The following SMIM10L3 variants were observed in gnomAD, a reference collection of about 807,000 sequenced individuals.
SMIM10L3 encodes the protein salivary gland specific protein SAGSIN1.
chr7:6,330,580 A>G, the SMIM10L3 span: 14 of 1,614,066 alleles, frequency 8.7e-6, no homozygotes, highest in Non-Finnish European at 1.2e-5. Flanking sequence ...CGTTGCAGAC[A>G]GGATGGAGTG....
the SMIM10L3 span, chr7:6,341,784 G>C: frequency 6.6e-6 from 1 of 151,872 alleles, no homozygotes; most frequent in Non-Finnish European, 1.5e-5. Context: ...GATCACCTGA[G>C]GTCAGGGGTT....
chr7:6,332,130 A>AT, the SMIM10L3 span, among the ~76,000 whole-genome samples: 2 of 146,438 alleles, frequency 1.4e-5, no homozygotes, highest in African/African-American at 2.6e-5. Context: ...AAAAAAAAAA[A>AT]TTGCGAAAAG....
At chr7:6,341,143 CA>C in the SMIM10L3 span, among the ~76,000 whole-genome samples, 39 of 141,908 alleles carry the variant, frequency 2.7e-4, no homozygotes, top group Non-Finnish European at 2.3e-4. Context: ...GACTCTGTCC[CA>C]AAAAAAAAAA....
chr7:6,345,329 G>A, the SMIM10L3 span, among the ~76,000 whole-genome samples: 15 of 151,822 alleles, frequency 9.9e-5, no homozygotes, highest in African/African-American at 3.6e-4. Context: ...TGCCCAGGCT[G>A]GTCTGGAACT....
the SMIM10L3 span, chr7:6,348,881 C>A: frequency 1.8e-5 from 7 of 388,362 alleles, no homozygotes; most frequent in African/African-American, 1.2e-4. Flanking sequence ...GGCGGGCGGG[C>A]GGGCCGCAGT....
chr7:6,338,126 T>C, the SMIM10L3 span, among the ~76,000 whole-genome samples: 1 of 152,146 alleles, frequency 6.6e-6, no homozygotes, highest in Non-Finnish European at 1.5e-5. Context: ...CAACAGGTTA[T>C]CAAAAACATT....
the SMIM10L3 span, among the ~76,000 whole-genome samples, chr7:6,333,606 C>T: frequency 6.6e-6 from 1 of 151,466 alleles, no homozygotes; most frequent in African/African-American, 2.4e-5. Flanking sequence ...TCAAGCAATC[C>T]TCCTAATTCA....
the SMIM10L3 span, among the ~76,000 whole-genome samples, chr7:6,337,684 G>C: frequency 6.6e-6 from 1 of 151,178 alleles, no homozygotes; most frequent in Non-Finnish European, 1.5e-5. Context: ...CATTTAATAA[G>C]GTAAACATGT....
the SMIM10L3 span, among the ~76,000 whole-genome samples, chr7:6,347,010 GACA>G: frequency 6.6e-6 from 1 of 152,122 alleles, no homozygotes; most frequent in Admixed American, 6.5e-5. Flanking sequence ...TTCTCGAGTT[GACA>G]ACCTTTCCTT....
chr7:6,334,062 G>A, the SMIM10L3 span, among the ~76,000 whole-genome samples: 3 of 151,010 alleles, frequency 2.0e-5, no homozygotes, highest in South Asian at 6.3e-4. Flanking sequence ...TAGCCAGGAT[G>A]GAATCTATCT....
At chr7:6,335,916 T>C in the SMIM10L3 span, among the ~76,000 whole-genome samples, 20 of 152,038 alleles carry the variant, frequency 1.3e-4, no homozygotes, top group African/African-American at 4.6e-4. Context: ...CTCACACCTG[T>C]AATCCCAGCA....
chr7:6,337,813 A>G, the SMIM10L3 span, among the ~76,000 whole-genome samples: 2 of 151,224 alleles, frequency 1.3e-5, no homozygotes, highest in African/African-American at 4.9e-5. Flanking sequence ...TTATTTATTT[A>G]TTTATTTTGA....
At chr7:6,333,988 A>C in the SMIM10L3 span, among the ~76,000 whole-genome samples, 4 of 151,386 alleles carry the variant, frequency 2.6e-5, no homozygotes, top group African/African-American at 9.7e-5. Flanking sequence ...CTGGGACTAC[A>C]GGCACCCGCC....
At chr7:6,348,764 G>C in the SMIM10L3 span, 2 of 399,062 alleles carry the variant, frequency 5.0e-6, no homozygotes, top group East Asian at 3.6e-5. Flanking sequence ...GCCATATAGA[G>C]ACCGGCGCTC....
the SMIM10L3 span, among the ~76,000 whole-genome samples, chr7:6,345,806 T>A: frequency 6.6e-6 from 1 of 152,112 alleles, no homozygotes; most frequent in East Asian, 1.9e-4. Context: ...TCTCGCTGTG[T>A]TTCCCAGGCT....
the SMIM10L3 span, among the ~76,000 whole-genome samples, chr7:6,347,759 T>C: frequency 5.3e-5 from 8 of 151,776 alleles, no homozygotes; most frequent in African/African-American, 1.9e-4. Flanking sequence ...AAGGATAACA[T>C]AAAACGTCTA....
chr7:6,341,338 G>C, the SMIM10L3 span, among the ~76,000 whole-genome samples: 1 of 151,180 alleles, frequency 6.6e-6, no homozygotes, highest in Non-Finnish European at 1.5e-5. Context: ...AGCTACTCGG[G>C]AGGCTGAGGC....
At chr7:6,338,747 T>C in the SMIM10L3 span, 1 of 152,342 alleles carries the variant, frequency 6.6e-6, no homozygotes. Context: ...TCACCTTCCC[T>C]AACCCAAGCT....
the SMIM10L3 span, among the ~76,000 whole-genome samples, chr7:6,342,311 G>A: frequency 0.34 from 51,771 of 151,842 alleles, 9,783 homozygotes; most frequent in East Asian, 0.82. Flanking sequence ...CTGGGAGGCC[G>A]AGGCAGGTGG....
Sources: allele counts gnomAD v4.1 joint callset (sites outside exome capture counted in the v4.1 genomes callset), GRCh38; gene constraint gnomAD v4.1.1; transcripts MANE v1.5; gene names NCBI Gene and HGNC (gene_info 2026-07-23, HGNC 2026-07-21).